LCOR: variants seen among roughly 807,000 people sequenced by gnomAD.
The protein encoded by LCOR is ligand-dependent corepressor.
Under a neutral mutation model 64.4 loss-of-function variants are expected in LCOR, and 14 were observed. The ratio of observed to expected loss-of-function variants is 0.22; its 90% CI spans 0.14 to 0.34. LCOR has a LOEUF of 0.34. LCOR is among the 10% of genes least tolerant of loss of function. The probability of loss-of-function intolerance (pLI) is 1.00; values close to 1 mark genes in which losing one functional copy is unlikely to be tolerated. For missense variants in LCOR, 1,686 were observed against 1,765.3 expected (o/e 0.96, Z 0.80); for synonymous variants, 643 against 642.5 (o/e 1.00, Z -0.01).
At position 96,984,497 on chromosome 10, in the gene LCOR, G is replaced by T. The variant is rs779417135; in HGVS notation, c.4037G>T (p.Arg1346Leu). ...DALAVESKPS[R>L]KSVCINPLMS... ...CTGGCTGTGGAAAGTAAGCCAAGTC[G>T]TAAGAGCGTATGCATCAACCCTCTG... The change falls in exon 8 of 8, where the codon CGT (arginine) becomes CTT (leucine). Residue 1346 changes from arginine to leucine, a missense_variant. By Grantham distance (102) the Arg-to-Leu change is moderately radical (BLOSUM62 -2). Coordinates refer to ENST00000421806, the MANE Select transcript of LCOR (RefSeq NM_001346516.2). The T allele has an allele frequency of 1.2e-6, 2 of 1,614,070 alleles. No homozygotes were observed. Among genetic ancestry groups the T allele is most frequent in the Non-Finnish European group, 1.7e-6 (2 of 1,180,042 alleles).
intron 2 of LCOR, among the ~76,000 whole-genome samples, chr10:96,858,608 T>C (rs560715763): frequency 5.8e-4 from 88 of 152,358 alleles, no homozygotes; most frequent in African/African-American, 2.0e-3. Context: ...ATTGTCACCA[T>C]TCTGGCTAGC....
chr10:96,915,168 C>T (rs970824103), intron 4 of LCOR, among the ~76,000 whole-genome samples: 11 of 152,302 alleles, frequency 7.2e-5, no homozygotes, highest in African/African-American at 2.6e-4. Flanking sequence ...ACCTATGCCC[C>T]TTCCCCCAAA....
intron 2 of LCOR, among the ~76,000 whole-genome samples, chr10:96,903,461 A>G (rs1846677185): frequency 6.6e-6 from 1 of 152,096 alleles, no homozygotes; most frequent in Admixed American, 6.6e-5. Context: ...AAGCTTGCAT[A>G]CAAGATCCAG....
intron 4 of LCOR, among the ~76,000 whole-genome samples, chr10:96,940,002 A>G (rs553537167): frequency 1.3e-5 from 2 of 152,350 alleles, no homozygotes; most frequent in South Asian, 2.1e-4. Flanking sequence ...CATTTTTCCA[A>G]AGAAGGTATA....
At position 96,903,784 on chromosome 10, in the gene LCOR, C is replaced by T. The variant is rs1303339778; in HGVS notation, c.-329-3481C>T. ...ATTTTAGTCTTCTATCTTCTGTTTTCGAGAGCTGTGTGATTAAATCGGAAG... is the reference window on the plus strand; with the variant it reads ...ATTTTAGTCTTCTATCTTCTGTTTTTGAGAGCTGTGTGATTAAATCGGAAG... On this transcript the variant is annotated intron_variant, in intron 2 of 7. Transcript: ENST00000421806. 5.3e-5 allele frequency among the ~76,000 whole-genome samples: 8 copies of T among 152,034 alleles called. 1 individual carries two copies. Among genetic ancestry groups the T allele is most frequent in the South Asian group, 2.1e-4 (1 of 4,822 alleles).
intron 2 of LCOR, among the ~76,000 whole-genome samples, chr10:96,867,933 A>G (rs1029737272): frequency 6.6e-6 from 1 of 151,766 alleles, no homozygotes; most frequent in African/African-American, 2.4e-5. Context: ...TGCTCAGGCT[A>G]GAGTACAATG....
intron 2 of LCOR, among the ~76,000 whole-genome samples, chr10:96,836,414 C>T (rs1397214659): frequency 6.6e-6 from 1 of 152,124 alleles, no homozygotes; most frequent in Admixed American, 6.6e-5. Flanking sequence ...CCTGCCTGAT[C>T]ATTTAGCTGT....
At chr10:96,886,498 T>A (rs1412166753) in intron 2 of LCOR, among the ~76,000 whole-genome samples, 3 of 152,242 alleles carry the variant, frequency 2.0e-5, no homozygotes, top group Admixed American at 1.3e-4. Flanking sequence ...GTTTATAATA[T>A]TATTCCCAAA....
intron 7 of LCOR, among the ~76,000 whole-genome samples, chr10:96,980,122 C>T (rs953324244): frequency 2.6e-5 from 4 of 151,328 alleles, no homozygotes; most frequent in African/African-American, 9.7e-5. Context: ...CCAGCCTGGG[C>T]GACAGAGCAA....
intron 4 of LCOR, among the ~76,000 whole-genome samples, chr10:96,920,682 A>C (rs890084648): frequency 6.8e-6 from 1 of 146,060 alleles, no homozygotes; most frequent in Non-Finnish European, 1.5e-5. Context: ...ATATATTCAT[A>C]TATGTGTATA....
Position 96,894,147 on chromosome 10 carries a change from G to A in LCOR, c.-329-13118G>A, listed in dbSNP as rs540028301. Among the ~76,000 whole-genome samples, 4 of 152,030 alleles carry A rather than the reference G, an allele frequency of 2.6e-5. No individual in the cohort carries two copies. The South Asian group carries it at 6.2e-4, about 24-fold the overall frequency. ...CGCTCTGTCACCCAGGCTGGAGTGC[G>A]GTGGCATGATCTCAGCTCACTGCAA... is the stretch of plus-strand genomic sequence containing the variant. On this transcript the variant is annotated intron_variant, in intron 2 of 7. Coordinates refer to ENST00000421806, the MANE Select transcript of LCOR (RefSeq NM_001346516.2).
At chr10:96,881,988 A>G (rs1011641836) in intron 2 of LCOR, among the ~76,000 whole-genome samples, 11 of 152,066 alleles carry the variant, frequency 7.2e-5, no homozygotes, top group Non-Finnish European at 1.5e-5. Context: ...AGCTTCCTCT[A>G]ATTGCTATTC....
At chr10:96,888,279 C>T (rs141071036) in intron 2 of LCOR, among the ~76,000 whole-genome samples, 1,717 of 137,802 alleles carry the variant, frequency 0.012, 23 homozygotes, top group African/African-American at 0.042. Flanking sequence ...GCAGGAGAAT[C>T]GCTTGAACCC....
At position 96,955,178 on chromosome 10, in the gene LCOR, C is replaced by T. The variant is rs775110264; in HGVS notation, c.332+2982C>T. The T allele has an allele frequency of 8.7e-6, 14 of 1,614,148 alleles. No homozygotes were observed. The Admixed American group carries it at 2.3e-4, about 27-fold the overall frequency. Reference sequence around the variant, plus strand: ...CTGGATTACAGAATCATGGACAACACTTAATATTATCCAGGGAAGCCTCTT... The same window carrying T: ...CTGGATTACAGAATCATGGACAACATTTAATATTATCCAGGGAAGCCTCTT... On this transcript the variant is annotated intron_variant, in intron 7 of 7. Transcript: ENST00000421806.
rs770736949 is a variant in LCOR at position 96,982,773 on chromosome 10, A to T, written c.2313A>T (p.Gly771=). 13 of 1,614,080 alleles carry T rather than the reference A, an allele frequency of 8.1e-6. No individual in the cohort carries two copies. The highest frequency in any genetic ancestry group is 1.1e-5 in the Non-Finnish European group (13 of 1,180,054). Residue 771 remains glycine, a synonymous_variant, in exon 8 of 8, where the codon GGA becomes GGT. Transcript: ENST00000421806. ...AAAGTGAGGCAGCAGGTGGTATAGG[A>T]AAATTAGAGGGAGAGGACGGTGATG... ...TEESEAAGGI[G]KLEGEDGDVK...
intron 2 of LCOR, among the ~76,000 whole-genome samples, chr10:96,900,915 C>T (rs1209456689): frequency 1.4e-5 from 2 of 147,268 alleles, no homozygotes; most frequent in African/African-American, 2.5e-5. Flanking sequence ...GTCGGCCGGG[C>T]GCAGTGGCTC....
intron 2 of LCOR, among the ~76,000 whole-genome samples, chr10:96,858,275 C>T (rs1362004480): frequency 6.6e-6 from 1 of 152,116 alleles, no homozygotes; most frequent in African/African-American, 2.4e-5. Context: ...AAATGTAATG[C>T]TTTCCTTTTT....
chr10:96,897,071 G>GAGAA (rs1265263465), intron 2 of LCOR, among the ~76,000 whole-genome samples: 2 of 126,484 alleles, frequency 1.6e-5, no homozygotes, highest in South Asian at 2.4e-4. Context: ...GAGAGAGAGA[G>GAGAA]AGAAAGAGAA....
intron 2 of LCOR, among the ~76,000 whole-genome samples, chr10:96,889,610 C>A (rs1383884041): frequency 1.3e-5 from 2 of 152,190 alleles, no homozygotes; most frequent in Non-Finnish European, 2.9e-5. Flanking sequence ...GGGACCCACC[C>A]TTCTGACCTC....
Sources: allele counts gnomAD v4.1 joint callset (sites outside exome capture counted in the v4.1 genomes callset), GRCh38; gene constraint gnomAD v4.1.1; transcripts MANE v1.5; gene names NCBI Gene and HGNC (gene_info 2026-07-23, HGNC 2026-07-21).